The following CNBD1 variants were observed in gnomAD, a reference collection of about 807,000 sequenced individuals.
CNBD1 encodes cyclic nucleotide-binding domain-containing protein 1.
CNBD1 carries 71 observed loss-of-function variants against 54.4 expected under a neutral mutation model. That is an observed-to-expected ratio of 1.30 (90% CI 1.08 to 1.59). The LOEUF (loss-of-function observed/expected upper bound fraction) is 1.59, where lower values mean the gene tolerates loss of function less well. Among genes scored for constraint, CNBD1 ranks in the 40% most tolerant of loss-of-function variants. CNBD1 has a pLI of 0.00. For missense variants in CNBD1, 659 were observed against 518.0 expected (o/e 1.27, Z -2.64); for synonymous variants, 182 against 170.7 (o/e 1.07, Z -0.51).
intron 4 of CNBD1, among the ~76,000 whole-genome samples, chr8:87,038,945 T>C (rs1306577371): frequency 2.0e-5 from 3 of 152,232 alleles, no homozygotes; most frequent in Non-Finnish European, 4.4e-5. Flanking sequence ...CTTAAGCTTC[T>C]GTGGCCCTTT....
rs138056155 is a variant in CNBD1, at chr8:86,989,913, C to T, written c.431+50159C>T. On this transcript the variant is annotated intron_variant, in intron 4 of 10. Coordinates refer to ENST00000518476, the MANE Select transcript of CNBD1 (RefSeq NM_173538.3). ...ATTTTAACTGGGAAGGTAGGACAGC[C>T]CATTGTAGTTTTGATTTGCATTTTT... 7.8e-3 allele frequency among the ~76,000 whole-genome samples: 1,186 copies of T among 152,138 alleles called. 5 individuals carry two copies. The highest frequency in any genetic ancestry group is 0.019 in the Admixed American group (293 of 15,270).
intron 3 of CNBD1, among the ~76,000 whole-genome samples, chr8:86,934,882 C>T (rs1809517475): frequency 2.0e-5 from 3 of 152,158 alleles, no homozygotes; most frequent in African/African-American, 4.8e-5. Context: ...TAATCAGTGA[C>T]ACTGGCTTGT....
chr8:87,371,606 G>C (rs1419714206), intron 10 of CNBD1, among the ~76,000 whole-genome samples: 1 of 151,946 alleles, frequency 6.6e-6, no homozygotes, highest in East Asian at 1.9e-4. Context: ...CTGGCAAACT[G>C]AATCCAGCAG....
intron 8 of CNBD1, among the ~76,000 whole-genome samples, chr8:87,290,895 T>A (rs1481410512): frequency 6.6e-6 from 1 of 152,148 alleles, no homozygotes; most frequent in African/African-American, 2.4e-5. Flanking sequence ...CAATATTTTC[T>A]CCTTGTCTTT....
At chr8:87,188,944 G>T (rs1455679527) in intron 4 of CNBD1, among the ~76,000 whole-genome samples, 1 of 150,846 alleles carries the variant, frequency 6.6e-6, no homozygotes, top group African/African-American at 2.4e-5. Context: ...TAAATAGTGT[G>T]ATTATATGAA....
intron 8 of CNBD1, among the ~76,000 whole-genome samples, chr8:87,306,233 A>G (rs959098088): frequency 6.6e-6 from 1 of 152,136 alleles, no homozygotes; most frequent in African/African-American, 2.4e-5. Context: ...GAGTAGCCAT[A>G]ATCAAAAAAT....
intron 1 of CNBD1, among the ~76,000 whole-genome samples, chr8:86,870,587 T>C (rs144051860): frequency 2.6e-5 from 4 of 152,320 alleles, no homozygotes; most frequent in African/African-American, 9.6e-5. Context: ...CACTGTGTCA[T>C]CATTCCTAAG....
intron 4 of CNBD1, among the ~76,000 whole-genome samples, chr8:87,065,839 G>A (rs1810637246): frequency 6.6e-6 from 1 of 151,878 alleles, no homozygotes; most frequent in South Asian, 2.1e-4. Flanking sequence ...AGGAGAGTTG[G>A]CGCTCAAACC....
intron 8 of CNBD1, among the ~76,000 whole-genome samples, chr8:87,347,500 A>G (rs926804654): frequency 2.0e-5 from 3 of 149,516 alleles, no homozygotes; most frequent in South Asian, 4.1e-4. Context: ...AACTTATACA[A>G]TAAGTATAAG....
chr8:87,354,250 A>G (rs1022168787), intron 10 of CNBD1, among the ~76,000 whole-genome samples: 7 of 146,088 alleles, frequency 4.8e-5, no homozygotes, highest in Non-Finnish European at 7.6e-5. Flanking sequence ...CAATAATAAT[A>G]TTAGTCTAAG....
chr8:86,866,879 A>G (rs1808372517), intron 1 of CNBD1, among the ~76,000 whole-genome samples: 1 of 152,204 alleles, frequency 6.6e-6, no homozygotes, highest in Non-Finnish European at 1.5e-5. Context: ...AGATTTAGAG[A>G]GGCCACATGT....
intron 2 of CNBD1, among the ~76,000 whole-genome samples, chr8:86,901,952 T>C (rs1464400782): frequency 1.3e-5 from 2 of 152,166 alleles, no homozygotes; most frequent in African/African-American, 4.8e-5. Context: ...TTGCCTCTGA[T>C]GAGAAATGGA....
At chr8:86,947,701 T>C (rs1807501480) in intron 4 of CNBD1, among the ~76,000 whole-genome samples, 1 of 152,134 alleles carries the variant, frequency 6.6e-6, no homozygotes, top group East Asian at 1.9e-4. Flanking sequence ...ATACAATGAA[T>C]AATAATGACA....
intron 4 of CNBD1, among the ~76,000 whole-genome samples, chr8:86,977,772 G>A (rs181445958): frequency 9.9e-4 from 151 of 152,220 alleles, no homozygotes; most frequent in African/African-American, 3.3e-3. Context: ...GAAAAACTTA[G>A]GACCAGGTGG....
chr8:87,078,322 G>A (rs1810917310), intron 4 of CNBD1, among the ~76,000 whole-genome samples: 1 of 152,156 alleles, frequency 6.6e-6, no homozygotes, highest in South Asian at 2.1e-4. Flanking sequence ...GGAACAGATT[G>A]CTAAAATAAT....
intron 6 of CNBD1, among the ~76,000 whole-genome samples, chr8:87,242,667 A>G (rs1318740197): frequency 6.6e-6 from 1 of 152,198 alleles, no homozygotes; most frequent in Non-Finnish European, 1.5e-5. Context: ...CTTAAAATGT[A>G]TAACACCAAG....
At chr8:87,172,190 C>A (rs1813103366) in intron 4 of CNBD1, among the ~76,000 whole-genome samples, 1 of 151,638 alleles carries the variant, frequency 6.6e-6, no homozygotes, top group South Asian at 2.1e-4. Flanking sequence ...AATAAGAATT[C>A]TTCTTGTTAT....
At chr8:87,267,009 G>T (rs888034725) in intron 6 of CNBD1, among the ~76,000 whole-genome samples, 13 of 151,768 alleles carry the variant, frequency 8.6e-5, no homozygotes, top group Middle Eastern at 3.2e-3. Flanking sequence ...AAACTATATT[G>T]ATACCTGTTT....
intron 3 of CNBD1, among the ~76,000 whole-genome samples, chr8:86,910,264 C>T (rs903986051): frequency 1.6e-4 from 24 of 152,108 alleles, no homozygotes; most frequent in Non-Finnish European, 1.2e-4. Context: ...GAGTGCTTGT[C>T]GGACTCTCTA....
Sources: allele counts gnomAD v4.1 joint callset (sites outside exome capture counted in the v4.1 genomes callset), GRCh38; gene constraint gnomAD v4.1.1; transcripts MANE v1.5; gene names NCBI Gene and HGNC (gene_info 2026-07-23, HGNC 2026-07-21).